CHSY3: variants seen among roughly 807,000 people sequenced by gnomAD.
CHSY3 encodes the protein N-acetylgalactosaminyl-proteoglycan 3-beta-glucuronosyltransferase 3.
A neutral mutation model predicts 67.2 loss-of-function variants in CHSY3; 35 were observed. That is an observed-to-expected ratio of 0.52 (90% CI 0.40 to 0.69). The LOEUF is 0.69. Among genes scored for constraint, CHSY3 ranks in the 30% least tolerant of loss-of-function variants. The pLI is 0.00. For synonymous variants in CHSY3, 474 were observed against 434.7 expected, an observed-to-expected ratio of 1.09 and a Z score of -1.12; for missense variants, 1,069 against 1,138.5, an observed-to-expected ratio of 0.94 and a Z score of 0.88.
At chr5:130,079,519 T>C (rs1580712587) in intron 2 of CHSY3, among the ~76,000 whole-genome samples, 1 of 152,218 alleles carries the variant, frequency 6.6e-6, no homozygotes, top group East Asian at 1.9e-4. Context: ...GTGAATGCTG[T>C]CGTATGTAGA....
intron 2 of CHSY3, among the ~76,000 whole-genome samples, chr5:130,012,165 A>T (rs1225979700): frequency 6.6e-6 from 1 of 152,216 alleles, no homozygotes; most frequent in Admixed American, 6.5e-5. Context: ...AAACAGAACA[A>T]AGCCAGAGGC....
chr5:130,053,897 A>T (rs1256212974), intron 2 of CHSY3, among the ~76,000 whole-genome samples: 2 of 152,162 alleles, frequency 1.3e-5, no homozygotes, highest in African/African-American at 4.8e-5. Context: ...AAATCTGGAA[A>T]ATTCATCATG....
chr5:129,999,911 A>G (rs1008740610), intron 2 of CHSY3, among the ~76,000 whole-genome samples: 1 of 152,136 alleles, frequency 6.6e-6, no homozygotes, highest in Non-Finnish European at 1.5e-5. Context: ...CCACAGGCAT[A>G]CTAGAAACCC....
At chr5:130,088,197 C>T (rs1419765434) in intron 2 of CHSY3, among the ~76,000 whole-genome samples, 1 of 152,076 alleles carries the variant, frequency 6.6e-6, no homozygotes, top group Non-Finnish European at 1.5e-5. Flanking sequence ...CCCTTCCTTA[C>T]ACCTTGTACA....
intron 2 of CHSY3, among the ~76,000 whole-genome samples, chr5:130,147,765 G>GAGGAATGAGAGCGAGTA (rs1769113326): frequency 6.6e-6 from 1 of 152,106 alleles, no homozygotes; most frequent in African/African-American, 2.4e-5. Flanking sequence ...AGAGCGAGTA[G>GAGGAATGAGAGCGAGTA]GGGAATGAGA....
At chr5:129,989,256 C>CTT in intron 2 of CHSY3, among the ~76,000 whole-genome samples, 1 of 77,968 alleles carries the variant, frequency 1.3e-5, no homozygotes, top group Non-Finnish European at 2.3e-5. Context: ...GGGCAACAAA[C>CTT]TTGTTCTTTT....
chr5:130,123,887 C>T, intron 2 of CHSY3, among the ~76,000 whole-genome samples: 1 of 151,712 alleles, frequency 6.6e-6, no homozygotes, highest in South Asian at 2.1e-4. Flanking sequence ...GAAACCCCAT[C>T]TCTACTAAAA....
At chr5:130,184,197 T>C in intron 2 of CHSY3, 32 bp from the exon 3 acceptor site, 1 of 1,435,412 alleles carries the variant, frequency 7.0e-7, no homozygotes, top group Admixed American at 2.6e-5. Flanking sequence ...TCTTTTAAAA[T>C]TAACCCTGAT....
chr5:130,178,251 A>ATTTTTTTTTTTTTTTT (rs1298647034), intron 2 of CHSY3, among the ~76,000 whole-genome samples: 7 of 62,734 alleles, frequency 1.1e-4, no homozygotes, highest in Non-Finnish European at 1.9e-4. Flanking sequence ...ATATATATAT[A>ATTTTTTTTTTTTTTTT]TATTTTTTTT....
At chr5:129,917,090 C>A (rs1760754344) in intron 2 of CHSY3, among the ~76,000 whole-genome samples, 2 of 152,160 alleles carry the variant, frequency 1.3e-5, no homozygotes, top group Admixed American at 1.3e-4. Context: ...TTGAATCACA[C>A]AAATAACTAG....
At chr5:129,962,159 A>G (rs1762343212) in intron 2 of CHSY3, among the ~76,000 whole-genome samples, 1 of 152,028 alleles carries the variant, frequency 6.6e-6, no homozygotes, top group Admixed American at 6.6e-5. Context: ...TCTCAAAAGA[A>G]TCATTCCAAT....
At chr5:130,041,348 G>T (rs1765002238) in intron 2 of CHSY3, among the ~76,000 whole-genome samples, 1 of 152,088 alleles carries the variant, frequency 6.6e-6, no homozygotes, top group Non-Finnish European at 1.5e-5. Context: ...TCTGTTCCAA[G>T]AGAGTGCTAA....
At chr5:130,112,608 A>G (rs568300611) in intron 2 of CHSY3, among the ~76,000 whole-genome samples, 27 of 152,260 alleles carry the variant, frequency 1.8e-4, no homozygotes, top group Non-Finnish European at 3.2e-4. Flanking sequence ...TAAGAACAAT[A>G]TAAGTGTAAA....
rs886537665 is a variant in CHSY3 at position 129,904,549 on chromosome 5, T to A, written c.-281T>A. 1.7e-5 allele frequency: 6 copies of A among 356,212 alleles called. No individual in the cohort carries two copies. Among genetic ancestry groups the A allele is most frequent in the Non-Finnish European group, 2.8e-5 (6 of 212,080 alleles). 22.1% of individuals were successfully genotyped at this position (356,212 alleles called of 1,614,324 possible). The stretch of plus-strand genomic sequence containing the variant: ...CTCCTGCAGCTCCTCCAGCTGCCGC[T>A]GCTGCCGCCGCTGCCGCCACCGCCG... On this transcript the variant is annotated 5_prime_UTR_variant, in exon 1 of 3. Transcript: ENST00000305031.
intron 2 of CHSY3, among the ~76,000 whole-genome samples, chr5:130,101,554 T>C (rs114810150): frequency 4.7e-4 from 71 of 152,284 alleles, no homozygotes; most frequent in Non-Finnish European, 7.5e-4. Flanking sequence ...TCAATCTCGT[T>C]ATCATACCCA....
intron 2 of CHSY3, among the ~76,000 whole-genome samples, chr5:130,151,289 C>T (rs1769225442): frequency 6.6e-6 from 1 of 152,190 alleles, no homozygotes; most frequent in Non-Finnish European, 1.5e-5. Flanking sequence ...AATGTCATTA[C>T]TGTGAGGCCC....
intron 2 of CHSY3, among the ~76,000 whole-genome samples, chr5:130,055,347 T>C (rs538030106): frequency 6.6e-6 from 1 of 151,982 alleles, no homozygotes; most frequent in South Asian, 2.1e-4. Flanking sequence ...TAAAGATAGC[T>C]TTTGTTTTTA....
chr5:129,964,154 T>C (rs185688018), intron 2 of CHSY3, among the ~76,000 whole-genome samples: 3 of 152,000 alleles, frequency 2.0e-5, no homozygotes, highest in Admixed American at 6.6e-5. Flanking sequence ...GGATTTTATG[T>C]GGCTGGAAGT....
At chr5:130,007,364 A>T (rs73785849) in intron 2 of CHSY3, among the ~76,000 whole-genome samples, 1 of 152,104 alleles carries the variant, frequency 6.6e-6, no homozygotes, top group Non-Finnish European at 1.5e-5. Flanking sequence ...AGGCCGGACC[A>T]TCAAAAAGAT....
Sources: gnomAD v4.1 joint callset for allele counts (sites outside exome capture counted in the v4.1 genomes callset) on GRCh38, gnomAD v4.1.1 for gene constraint, MANE v1.5 for transcripts, NCBI Gene and HGNC (gene_info 2026-07-23, HGNC 2026-07-21) for gene names.